The following SAMD12 variants were observed in gnomAD, a reference collection of about 807,000 sequenced individuals.
SAMD12 encodes sterile alpha motif domain-containing protein 12.
A neutral mutation model predicts 15.0 loss-of-function variants in SAMD12; 9 were observed. The ratio of observed to expected loss-of-function variants is 0.60; its 90% confidence interval spans 0.36 to 1.05. SAMD12 has a LOEUF of 1.05. SAMD12 is among the 50% of genes least tolerant of loss of function. SAMD12 has a pLI of 0.01. For missense variants in SAMD12, 230 were observed against 234.2 expected (o/e 0.98, Z 0.12); for synonymous variants, 86 against 90.1 (o/e 0.96, Z 0.25).
chr8:118,384,516 T>C (rs191372680), intron 3 of SAMD12, among the ~76,000 whole-genome samples: 32 of 152,188 alleles, frequency 2.1e-4, no homozygotes, highest in Admixed American at 1.3e-3. Context: ...TTTAATAACT[T>C]TACAATGCCC....
intron 3 of SAMD12, among the ~76,000 whole-genome samples, chr8:118,388,436 T>C (rs1311192706): frequency 6.6e-6 from 1 of 152,210 alleles, no homozygotes; most frequent in East Asian, 1.9e-4. Context: ...AGAGCGGCTT[T>C]TTTCTCACCT....
chr8:118,206,660 G>A (rs1819870655), intron 4 of SAMD12, among the ~76,000 whole-genome samples: 1 of 152,204 alleles, frequency 6.6e-6, no homozygotes, highest in East Asian at 1.9e-4. Context: ...AATCACTGAT[G>A]CGCTGTCTCT....
chr8:118,146,494 C>T, the SAMD12 span, among the ~76,000 whole-genome samples: 4 of 152,190 alleles, frequency 2.6e-5, no homozygotes, highest in African/African-American at 9.6e-5. Context: ...ATCCTGAAGA[C>T]CCCATATTCC....
chr8:118,619,099 G>C (rs976768997), intron 1 of SAMD12, among the ~76,000 whole-genome samples: 3 of 151,964 alleles, frequency 2.0e-5, no homozygotes, highest in African/African-American at 4.8e-5. Context: ...TGTGGCCATG[G>C]GCACAAAATA....
chr8:118,453,650 A>G (rs1823151604), intron 2 of SAMD12, among the ~76,000 whole-genome samples: 1 of 152,068 alleles, frequency 6.6e-6, no homozygotes, highest in African/African-American at 2.4e-5. Context: ...CCCCACAAGC[A>G]ACTGGGACTA....
chr8:118,160,059 T>A, the SAMD12 span, among the ~76,000 whole-genome samples: 1 of 152,176 alleles, frequency 6.6e-6, no homozygotes, highest in African/African-American at 2.4e-5. Flanking sequence ...AGAATCAAAC[T>A]TTTAAATTTC....
At chr8:118,504,296 C>T (rs981683370) in intron 2 of SAMD12, among the ~76,000 whole-genome samples, 3 of 152,182 alleles carry the variant, frequency 2.0e-5, no homozygotes, top group Non-Finnish European at 4.4e-5. Flanking sequence ...AAAAACAACA[C>T]AGTAATAATG....
chr8:118,617,499 TAAG>T (rs1003410302), intron 1 of SAMD12, among the ~76,000 whole-genome samples: 1 of 152,222 alleles, frequency 6.6e-6, no homozygotes, highest in Admixed American at 6.5e-5. Context: ...TAGATGTCAT[TAAG>T]AGCACACAGT....
At chr8:118,617,303 C>T (rs530770136) in intron 1 of SAMD12, among the ~76,000 whole-genome samples, 5 of 152,352 alleles carry the variant, frequency 3.3e-5, no homozygotes, top group Admixed American at 2.0e-4. Context: ...ACGTTTGACG[C>T]TATCTCATTT....
chr8:118,229,361 C>T (rs939725928), intron 4 of SAMD12, among the ~76,000 whole-genome samples: 4 of 151,632 alleles, frequency 2.6e-5, no homozygotes, highest in African/African-American at 9.7e-5. Flanking sequence ...GCAAGATAAA[C>T]AGCAATAAAA....
chr8:118,372,351 A>G (rs1819147349), intron 4 of SAMD12, among the ~76,000 whole-genome samples: 1 of 152,082 alleles, frequency 6.6e-6, no homozygotes, highest in Admixed American at 6.6e-5. Flanking sequence ...TGAGATTCTC[A>G]GGAAATTGGG....
chr8:118,332,867 T>C (rs150806735), intron 4 of SAMD12, among the ~76,000 whole-genome samples: 54 of 152,326 alleles, frequency 3.5e-4, no homozygotes, highest in African/African-American at 1.2e-3. Context: ...AAGTCTCAGT[T>C]CTGGAGTCCC....
chr8:118,439,934 C>T lies in SAMD12; in HGVS notation c.220G>A (p.Val74Met), dbSNP rs935060883. 3.7e-6 allele frequency: 6 copies of T among 1,613,558 alleles called. No homozygotes were observed. The highest frequency in any genetic ancestry group is 5.1e-6 in the Non-Finnish European group (6 of 1,179,680). The change falls in exon 3 of 4, where the codon GTG becomes ATG. Residue 74 changes from valine (V) to methionine (M), a missense_variant. Coordinates refer to ENST00000314727, the MANE Select transcript of SAMD12 (RefSeq NM_207506.3). ...KSATVKLSKP[V>M]ALWTQQDVCK... ...ACATCCTGCTGGGTCCATAGAGCCA[C>T]CGGTTTAGATAGCTTCACCGTAGCT...
chr8:118,484,445 A>G (rs150092450), intron 2 of SAMD12, among the ~76,000 whole-genome samples: 3 of 152,288 alleles, frequency 2.0e-5, no homozygotes, highest in African/African-American at 7.2e-5. Flanking sequence ...TTATCACAAA[A>G]TAATAAAAAT....
At chr8:118,203,944 A>T (rs566697211) in intron 4 of SAMD12, among the ~76,000 whole-genome samples, 1 of 149,858 alleles carries the variant, frequency 6.7e-6, no homozygotes. Flanking sequence ...TCTATTTTCT[A>T]CTCCTGGTTG....
chr8:118,168,209 T>C, the SAMD12 span, among the ~76,000 whole-genome samples: 5,319 of 152,230 alleles, frequency 0.035, 302 homozygotes, highest in African/African-American at 0.12. Context: ...AGCATGAAAA[T>C]AGACTAATAC....
downstream of SAMD12, among the ~76,000 whole-genome samples, chr8:118,375,297 T>A (rs997380728): frequency 6.6e-6 from 1 of 152,198 alleles, no homozygotes; most frequent in Non-Finnish European, 1.5e-5. Flanking sequence ...CTATGCTTTT[T>A]ACTAGTTGTC....
chr8:118,138,354 C>T, the SAMD12 span, among the ~76,000 whole-genome samples: 1,466 of 152,284 alleles, frequency 9.6e-3, 11 homozygotes, highest in Non-Finnish European at 0.014. Context: ...AAATCTTTAC[C>T]CTCAAGGTGA....
At chr8:118,391,431 A>G (rs1820270590) in intron 3 of SAMD12, among the ~76,000 whole-genome samples, 1 of 152,210 alleles carries the variant, frequency 6.6e-6, no homozygotes, top group African/African-American at 2.4e-5. Flanking sequence ...TCCACTGGGC[A>G]TTAGACATCT....
Sources: gnomAD v4.1 joint callset for allele counts (sites outside exome capture counted in the v4.1 genomes callset) on GRCh38, gnomAD v4.1.1 for gene constraint, MANE v1.5 for transcripts, NCBI Gene and HGNC (gene_info 2026-07-23, HGNC 2026-07-21) for gene names.